Variants in WNT7B observed in about 807,000 individuals in gnomAD.
WNT7B encodes the protein protein Wnt-7b.
Under a neutral mutation model 38.2 loss-of-function variants are expected in WNT7B, and 19 were observed. The observed-to-expected ratio is 0.50, with a 90% CI of 0.35 to 0.73. WNT7B has a LOEUF of 0.73. Ranked by LOEUF, WNT7B falls within the 30% of genes least tolerant of loss-of-function variation. The pLI, the probability that WNT7B is intolerant of heterozygous loss-of-function variation, is 0.01. For synonymous variants in WNT7B, 243 were observed against 209.3 expected, an observed-to-expected ratio of 1.16 and a Z score of -1.39; for missense variants, 423 against 507.9, an observed-to-expected ratio of 0.83 and a Z score of 1.61.
chr22:45,957,579 G>A (rs1381715495), intron 1 of WNT7B, among the ~76,000 whole-genome samples: 1 of 150,416 alleles, frequency 6.6e-6, no homozygotes, highest in Non-Finnish European at 1.5e-5. Flanking sequence ...AGCTACTTGG[G>A]AGGCTGAGGA....
At chr22:45,940,228 G>T (rs1332402064) in intron 2 of WNT7B, among the ~76,000 whole-genome samples, 1 of 152,062 alleles carries the variant, frequency 6.6e-6, no homozygotes, top group Non-Finnish European at 1.5e-5. Flanking sequence ...AGGCCCCATG[G>T]GTATGAACTA....
chr22:45,927,404 A>G (rs924086214), intron 3 of WNT7B: 3 of 1,531,010 alleles, frequency 2.0e-6, no homozygotes, highest in African/African-American at 2.7e-5. Context: ...ACTCTTGCCC[A>G]TCAGGGACAC....
At position 45,923,188 on chromosome 22, in the gene WNT7B, C is replaced by T. The variant is rs1569108065; in HGVS notation, c.718G>A (p.Val240Met). ...EKYNAAVQVE[V>M]VRASRLRQPT... ...TGCCGCAGACGGCTGGCCCGCACCACCTCCACCTGCACGGCCGCGTTGTAC... is the reference window on the plus strand; with the variant it reads ...TGCCGCAGACGGCTGGCCCGCACCATCTCCACCTGCACGGCCGCGTTGTAC... Residue 240 changes from valine to methionine, a missense_variant, in exon 4 of 4, where the codon GTG becomes ATG. By Grantham distance (21) the Val-to-Met change is conservative (BLOSUM62 1). Around this residue, in one of 3 missense-constraint regions of WNT7B, gnomAD observed 158 missense variants for 214.7 expected, o/e 0.74. Coordinates refer to ENST00000339464, the MANE Select transcript of WNT7B (RefSeq NM_058238.3). 2 of 1,613,074 alleles carry T rather than the reference C, an allele frequency of 1.2e-6. No individual in the cohort carries two copies. The highest frequency in any genetic ancestry group is 2.7e-5 in the African/African-American group (2 of 74,954).
chr22:45,977,015 G>A lies in WNT7B; in HGVS notation c.-261C>T, dbSNP rs1455513714. 1 of 985,472 alleles carries A rather than the reference G, an allele frequency of 1.0e-6. No homozygotes were observed. Among genetic ancestry groups the A allele is most frequent in the East Asian group, 1.1e-4 (1 of 8,828 alleles). 61.0% of individuals were successfully genotyped at this position (985,472 alleles called of 1,614,324 possible). On this transcript the variant is annotated 5_prime_UTR_variant, in exon 1 of 4. Coordinates refer to ENST00000339464, the MANE Select transcript of WNT7B (RefSeq NM_058238.3). ...CCTCGAAGCCCGGTTGAGCGACCGT[G>A]GACCCCTGCAAGCGCGGGCCGGGGG...
intron 3 of WNT7B, among the ~76,000 whole-genome samples, chr22:45,930,096 T>G (rs1044173006): frequency 3.3e-5 from 5 of 152,246 alleles, no homozygotes; most frequent in Admixed American, 6.5e-5. Context: ...CCAAGCCCTG[T>G]GGCCATCAAA....
rs371742816 is a variant in WNT7B at position 45,920,618 on chromosome 22, G to A, written c.*2238C>T. The A allele has an allele frequency of 1.0e-3, 153 of 147,310 alleles. No individual in the cohort carries two copies. Among genetic ancestry groups the A allele is most frequent in the African/African-American group, 3.7e-3 (147 of 39,372 alleles). 9.1% of individuals were successfully genotyped at this position (147,310 alleles called of 1,614,324 possible). On this transcript the variant is annotated 3_prime_UTR_variant, in exon 4 of 4. Transcript: ENST00000339464. ...CCCCAAGGGTCTGTTGAAGCAGGAG[G>A]AGCCTGGTTCGGGAGATGGGGGATG... is the stretch of plus-strand genomic sequence containing the variant.
At position 45,935,761 on chromosome 22, in the gene WNT7B, A is replaced by G. The variant is rs919759234; in HGVS notation, c.299-4392T>C. ...AGACAGCCCCATTCTGATCAGACCC[A>G]TTTCACAGATGGGAAAACCGAGCCT... On this transcript the variant is annotated intron_variant, in intron 2 of 3. Coordinates refer to ENST00000339464, the MANE Select transcript of WNT7B (RefSeq NM_058238.3). The G allele has an allele frequency of 3.1e-6, 3 of 960,604 alleles. No homozygotes were observed. The African/African-American group carries it at 5.3e-5, about 17-fold the overall frequency. The allele number at this position is 960,604 out of a possible 1,614,324, so 59.5% of individuals were successfully genotyped here.
At chr22:45,948,925 A>C (rs1222643949) in intron 2 of WNT7B, among the ~76,000 whole-genome samples, 1 of 138,084 alleles carries the variant, frequency 7.2e-6, no homozygotes, top group African/African-American at 2.7e-5. Flanking sequence ...GCTCACTGCA[A>C]CCTCTCTCCG....
In WNT7B at chr22:45,927,361, G is replaced by A. The variant is rs371972838; in HGVS notation, c.570+3737C>T. The A allele has an allele frequency of 5.0e-4, 748 of 1,484,736 alleles. 4 individuals carry two copies. In the African/African-American group the frequency reaches 8.6e-3, roughly 17 times the overall value. 92.0% of individuals were successfully genotyped at this position (1,484,736 alleles called of 1,614,324 possible). Reference sequence around the variant, plus strand: ...CTTGGTCTGGTAGAAGTGGGGGCAGGGCGGGGGCGGGCCTCCAGACTCTGC... The same window carrying A: ...CTTGGTCTGGTAGAAGTGGGGGCAGAGCGGGGGCGGGCCTCCAGACTCTGC... On this transcript the variant is annotated intron_variant, in intron 3 of 3. Coordinates refer to ENST00000339464, the MANE Select transcript of WNT7B (RefSeq NM_058238.3).
At chr22:45,933,012 G>C (rs1171041548) in intron 2 of WNT7B, among the ~76,000 whole-genome samples, 1 of 152,246 alleles carries the variant, frequency 6.6e-6, no homozygotes, top group Non-Finnish European at 1.5e-5. Context: ...TGTGCTAGGG[G>C]CTGTGTGCAT....
Position 45,938,540 on chromosome 22 carries a change from G to A in WNT7B, c.299-7171C>T, listed in dbSNP as rs540236792. 2.6e-5 allele frequency among the ~76,000 whole-genome samples: 4 copies of A among 152,268 alleles called. No individual in the cohort carries two copies. In the South Asian group the frequency reaches 8.3e-4, roughly 32 times the overall value. ...TAATACCAGCTACTTGGGAGGCTGA[G>A]GCAGGAGAATCGCTTGAACCTGGGA... On this transcript the variant is annotated intron_variant, in intron 2 of 3. Coordinates refer to ENST00000339464, the MANE Select transcript of WNT7B (RefSeq NM_058238.3).
At chr22:45,930,587 C>T (rs186304149) in intron 3 of WNT7B, among the ~76,000 whole-genome samples, 67 of 152,336 alleles carry the variant, frequency 4.4e-4, no homozygotes, top group Non-Finnish European at 7.6e-4. Flanking sequence ...CTCCGTCCCG[C>T]CCCATGCAGG....
At chr22:45,930,637 A>G (rs1413800298) in intron 3 of WNT7B, among the ~76,000 whole-genome samples, 2 of 151,954 alleles carry the variant, frequency 1.3e-5, no homozygotes, top group African/African-American at 2.4e-5. Context: ...CACAGCTTCC[A>G]CCTTCCTCAG....
intron 2 of WNT7B, among the ~76,000 whole-genome samples, chr22:45,933,176 G>T (rs79497290): frequency 1.5e-4 from 23 of 152,272 alleles, no homozygotes; most frequent in Middle Eastern, 6.8e-3. Context: ...TGCCGTCATG[G>T]AGGGAGCCAC....
chr22:45,939,729 G>T (rs1194198189), intron 2 of WNT7B, among the ~76,000 whole-genome samples: 2 of 152,036 alleles, frequency 1.3e-5, no homozygotes, highest in African/African-American at 4.8e-5. Context: ...AAGAGGCTGA[G>T]GCAGGAGAGT....
intron 2 of WNT7B, among the ~76,000 whole-genome samples, chr22:45,933,697 A>G (rs1931437514): frequency 6.6e-6 from 1 of 152,106 alleles, no homozygotes; most frequent in Admixed American, 6.5e-5. Context: ...TTCCTGGAGG[A>G]GGTTACATCT....
intron 1 of WNT7B, among the ~76,000 whole-genome samples, chr22:45,953,072 G>T (rs1601732660): frequency 6.6e-6 from 1 of 152,162 alleles, no homozygotes; most frequent in East Asian, 1.9e-4. Context: ...GGGGAGCGCG[G>T]TGGGCACTGG....
chr22:45,925,049 G>A (rs1931040357), intron 3 of WNT7B: 1 of 981,198 alleles, frequency 1.0e-6, no homozygotes, highest in Non-Finnish European at 1.2e-6. Context: ...CTCATCAGGT[G>A]GGTGCTGGGT....
At chr22:45,960,858 G>A (rs1311610874) in intron 1 of WNT7B, among the ~76,000 whole-genome samples, 2 of 152,194 alleles carry the variant, frequency 1.3e-5, no homozygotes, top group African/African-American at 4.8e-5. Flanking sequence ...CATCCATATA[G>A]GGGCTCTTCT....
Sources: gnomAD v4.1 joint callset for allele counts (sites outside exome capture counted in the v4.1 genomes callset) on GRCh38, gnomAD v4.1.1 for gene constraint, gnomAD v4.1.1 regional missense constraint, MANE v1.5 for transcripts, NCBI Gene and HGNC (gene_info 2026-07-23, HGNC 2026-07-21) for gene names.